Variants in FHL2 observed in about 807,000 individuals in gnomAD.
FHL2 encodes four and a half LIM domains protein 2.
A neutral mutation model predicts 32.7 loss-of-function variants in FHL2; 20 were observed. The observed-to-expected ratio is 0.61, with a 90% CI of 0.43 to 0.89. The LOEUF (loss-of-function observed/expected upper bound fraction) is 0.89. Ranked by LOEUF, FHL2 falls within the 40% of genes least tolerant of loss-of-function variation. The pLI, the probability that FHL2 is intolerant of heterozygous loss-of-function variation, is 0.00. For synonymous variants in FHL2, 123 were observed against 128.1 expected, an observed-to-expected ratio of 0.96 and a Z score of 0.27; for missense variants, 311 against 358.6, an observed-to-expected ratio of 0.87 and a Z score of 1.07.
In FHL2 at chr2:105,374,079, C is replaced by T. The variant is rs1000912473; in HGVS notation, c.157-346G>A. 1.7e-4 allele frequency: 53 copies of T among 319,240 alleles called. No individual in the cohort carries two copies. The Admixed American group carries it at 2.3e-3, about 14-fold the overall frequency. The allele number at this position is 319,240 out of a possible 1,614,324, so 19.8% of individuals were successfully genotyped here. A position where few individuals can be genotyped will look rare whatever the true frequency, so the allele number is the denominator to read the frequency against. ...ACACCTATCAATTCGTCTCACACCA[C>T]ATCCGGTGACAGAGAAACAGACTGC... is the stretch of plus-strand genomic sequence containing the variant. On this transcript the variant is annotated intron_variant, in intron 3 of 6. Coordinates refer to ENST00000530340, the MANE Select transcript of FHL2 (RefSeq NM_001318895.3).
upstream of FHL2, among the ~76,000 whole-genome samples, chr2:105,403,852 G>C (rs1168446969): frequency 6.6e-6 from 1 of 152,260 alleles, no homozygotes; most frequent in Non-Finnish European, 1.5e-5. Context: ...TTCACTCAGG[G>C]AAGCAGGAGG....
At chr2:105,403,683 C>T (rs1317525656), upstream of FHL2, among the ~76,000 whole-genome samples, 1 of 152,202 alleles carries the variant, frequency 6.6e-6, no homozygotes, top group African/African-American at 2.4e-5. Flanking sequence ...ATAAATACCA[C>T]TTAGGGCTTC....
intron 2 of FHL2, among the ~76,000 whole-genome samples, chr2:105,392,812 CTTTTTTTTTTTT>C (rs34774107): frequency 9.1e-5 from 6 of 66,022 alleles, no homozygotes; most frequent in African/African-American, 3.7e-4. Context: ...TGCCAGGAAG[CTTTTTTTTTTTT>C]TTTTTTTTTT....
chr2:105,412,107 G>A (rs1033139291), intron 1 of FHL2, among the ~76,000 whole-genome samples: 1 of 152,172 alleles, frequency 6.6e-6, no homozygotes, highest in African/African-American at 2.4e-5. Flanking sequence ...TTGAAAGCAG[G>A]GTTTGGAAGA....
intron 2 of FHL2, among the ~76,000 whole-genome samples, chr2:105,393,118 A>G (rs756470410): frequency 3.3e-5 from 5 of 152,106 alleles, no homozygotes; most frequent in Non-Finnish European, 5.9e-5. Flanking sequence ...TAAAGCCTGA[A>G]GAGGTCAGAT....
chr2:105,373,635 G>C lies in FHL2; in HGVS notation c.255C>G (p.Asp85Glu), dbSNP rs778313419. Residue 85 changes from aspartate (D) to glutamate (E), a missense_variant, in exon 4 of 7, where the codon GAC becomes GAG. Physicochemically the swap from Asp to Glu is conservative, Grantham distance 45. Transcript: ENST00000530340. ...LVDKPFAAKE[D>E]QLLCTDCYSN... ...AATAGCAGTCTGTACAGAGCAGCTG[G>C]TCCTCCTTGGCAGCAAAGGGCTTGT... The C allele has an allele frequency of 6.2e-7, 1 of 1,614,220 alleles. No individual in the cohort carries two copies. The highest frequency in any genetic ancestry group is 8.5e-7 in the Non-Finnish European group (1 of 1,180,036).
At chr2:105,425,582 T>C (rs1684237628) in intron 1 of FHL2, among the ~76,000 whole-genome samples, 1 of 151,852 alleles carries the variant, frequency 6.6e-6, no homozygotes, top group Non-Finnish European at 1.5e-5. Flanking sequence ...AATGTCTCGG[T>C]GTAAAACCCG....
chr2:105,406,653 G>T (rs979628080), intron 1 of FHL2, among the ~76,000 whole-genome samples: 1 of 152,190 alleles, frequency 6.6e-6, no homozygotes, highest in African/African-American at 2.4e-5. Flanking sequence ...CAGGGTAGAA[G>T]CAGATGGAAA....
intron 3 of FHL2, chr2:105,378,073 C>T (rs1357332975): frequency 1.1e-5 from 5 of 471,068 alleles, no homozygotes; most frequent in African/African-American, 1.0e-4. Context: ...AGCCAGTGCT[C>T]CGGTCATTAA....
exon 1 of FHL2, chr2:105,438,483 C>T (rs60643282): frequency 5.1e-6 from 5 of 985,542 alleles, no homozygotes; most frequent in Non-Finnish European, 6.0e-6. Context: ...GGTTGGATGG[C>T]CCCAACCTTC....
chr2:105,414,762 A>G (rs1558727560), intron 1 of FHL2, among the ~76,000 whole-genome samples: 1 of 152,238 alleles, frequency 6.6e-6, no homozygotes, highest in East Asian at 1.9e-4. Context: ...CATGTTGGCC[A>G]GGCTGGTCTC....
intron 2 of FHL2, among the ~76,000 whole-genome samples, chr2:105,388,309 A>G (rs947825696): frequency 1.3e-5 from 2 of 152,186 alleles, no homozygotes; most frequent in African/African-American, 4.8e-5. Context: ...GCATTTTTCT[A>G]GGATGAATAC....
intron 3 of FHL2, among the ~76,000 whole-genome samples, chr2:105,380,548 A>G (rs77906121): frequency 2.1e-3 from 327 of 152,314 alleles, no homozygotes; most frequent in African/African-American, 7.3e-3. Context: ...CTTTCCAAAC[A>G]GAAAAGCTCC....
chr2:105,402,334 C>T (rs1683501791), upstream of FHL2, among the ~76,000 whole-genome samples: 2 of 151,908 alleles, frequency 1.3e-5, no homozygotes, highest in Non-Finnish European at 2.9e-5. Flanking sequence ...GAAACCTCTG[C>T]CTCCCAGGTG....
chr2:105,393,795 G>A (rs1022297461), intron 2 of FHL2, among the ~76,000 whole-genome samples: 2 of 152,228 alleles, frequency 1.3e-5, no homozygotes, highest in Non-Finnish European at 2.9e-5. Context: ...ATGACATCAT[G>A]AGCTTCCATC....
intron 1 of FHL2, among the ~76,000 whole-genome samples, chr2:105,424,229 C>T (rs576938895): frequency 2.6e-5 from 4 of 152,272 alleles, no homozygotes; most frequent in South Asian, 2.1e-4. Context: ...TATGAACAGA[C>T]GCTTCTCAAA....
At chr2:105,436,207 A>G (rs935015837) in intron 1 of FHL2, among the ~76,000 whole-genome samples, 4 of 152,188 alleles carry the variant, frequency 2.6e-5, no homozygotes, top group African/African-American at 9.7e-5. Context: ...ATAAAAAAAA[A>G]TCAGTAAACC....
Position 105,396,685 on chromosome 2 carries a change from C to G in FHL2, c.-63G>C. 1 of 1,612,864 alleles carries G rather than the reference C, an allele frequency of 6.2e-7. No individual in the cohort carries two copies. On this transcript the variant is annotated 5_prime_UTR_variant, in exon 2 of 7. Transcript: ENST00000530340. ...TGCCAGCCTAGTCTCCAGGAAGACACAGTTCTCAGCCACTAGAGAAAGCAC... is the reference window on the plus strand; with the variant it reads ...TGCCAGCCTAGTCTCCAGGAAGACAGAGTTCTCAGCCACTAGAGAAAGCAC...
chr2:105,401,906 G>A (rs1683476625), upstream of FHL2, among the ~76,000 whole-genome samples: 1 of 151,834 alleles, frequency 6.6e-6, no homozygotes, highest in Non-Finnish European at 1.5e-5. Context: ...TCATGGGGTG[G>A]AAAGGAGATT....
Sources: allele counts gnomAD v4.1 joint callset (sites outside exome capture counted in the v4.1 genomes callset), GRCh38; gene constraint gnomAD v4.1.1; transcripts MANE v1.5; gene names NCBI Gene and HGNC (gene_info 2026-07-23, HGNC 2026-07-21).